LOXHD1: variants seen among roughly 807,000 people sequenced by gnomAD.
LOXHD1 encodes lipoxygenase homology domain-containing protein 1.
A neutral mutation model predicts 248.2 loss-of-function variants in LOXHD1; 205 were observed. The observed-to-expected ratio is 0.83, with a 90% confidence interval of 0.74 to 0.93. The LOEUF (loss-of-function observed/expected upper bound fraction) is 0.93. Among genes scored for constraint, LOXHD1 ranks in the 40% least tolerant of loss-of-function variants. The pLI is 0.00. For synonymous variants in LOXHD1, 1,113 were observed against 1,162.8 expected (o/e 0.96, Z 0.87); for missense variants, 2,930 against 2,971.6 (o/e 0.99, Z 0.33).
At chr18:46,650,523 T>C (rs1257933644) in intron 1 of LOXHD1, among the ~76,000 whole-genome samples, 1 of 152,218 alleles carries the variant, frequency 6.6e-6, no homozygotes, top group African/African-American at 2.4e-5. Flanking sequence ...ACGGTAAACC[T>C]ATAGTTATTT....
intron 6 of LOXHD1, among the ~76,000 whole-genome samples, chr18:46,608,523 T>G (rs944445497): frequency 3.3e-5 from 5 of 152,222 alleles, no homozygotes. Context: ...ATGAAGAAAG[T>G]GGACTTCAAG....
At chr18:46,497,990 G>C (rs186808630) in intron 37 of LOXHD1, among the ~76,000 whole-genome samples, 1 of 152,240 alleles carries the variant, frequency 6.6e-6, no homozygotes, top group Non-Finnish European at 1.5e-5. Flanking sequence ...CAATTGCAGA[G>C]TGGGATCACA....
intron 21 of LOXHD1, among the ~76,000 whole-genome samples, chr18:46,552,218 A>T (rs962452536): frequency 3.3e-5 from 5 of 150,808 alleles, no homozygotes; most frequent in African/African-American, 1.2e-4. Flanking sequence ...TTCTTACACA[A>T]TTTTTTTTTT....
At chr18:46,576,053 G>A (rs747897513) in intron 14 of LOXHD1, among the ~76,000 whole-genome samples, 35 of 152,194 alleles carry the variant, frequency 2.3e-4, no homozygotes, top group Admixed American at 1.0e-3. Context: ...TTCTAGCCCC[G>A]GCTCCAGCCC....
intron 40 of LOXHD1, 27 bp downstream of exon 40, chr18:46,483,560 T>A: frequency 1.3e-6 from 2 of 1,551,484 alleles, no homozygotes; most frequent in Non-Finnish European, 1.7e-6. Context: ...GGAGTGGCAC[T>A]TCCTTGGGGA....
intron 28 of LOXHD1, among the ~76,000 whole-genome samples, chr18:46,530,863 G>A (rs374656495): frequency 6.6e-6 from 1 of 152,000 alleles, no homozygotes; most frequent in African/African-American, 2.4e-5. Flanking sequence ...TGCCTTGGAT[G>A]CCAAGGCCTC....
Position 46,547,049 on chromosome 18 carries a change from A to G in LOXHD1, c.3360T>C (p.Phe1120=). 1 of 1,551,718 alleles carries G rather than the reference A, an allele frequency of 6.4e-7. No individual in the cohort carries two copies. The highest frequency in any genetic ancestry group is 1.2e-5 in the South Asian group (1 of 84,054). ...CCACTGCCAGCCAACGTTGGCATGG[A>G]AAGTAGTACCTGTGGGGGTGGATAG... ...TDMNNEITYY[F]PCQRWLAVEE... The change falls in exon 22 of 41, where the codon TTT becomes TTC. Residue 1120 remains phenylalanine (F), a synonymous_variant. Transcript: ENST00000642948.
intron 37 of LOXHD1, among the ~76,000 whole-genome samples, chr18:46,492,323 T>C (rs1392119529): frequency 1.3e-5 from 2 of 152,176 alleles, no homozygotes; most frequent in African/African-American, 2.4e-5. Flanking sequence ...CTGGGTAATT[T>C]ATAAAGAAAA....
chr18:46,610,551 A>G (rs1475528854), intron 6 of LOXHD1, among the ~76,000 whole-genome samples: 1 of 152,110 alleles, frequency 6.6e-6, no homozygotes, highest in African/African-American at 2.4e-5. Context: ...AGAGAGAGAG[A>G]GAGAGGAAAA....
In LOXHD1 at chr18:46,566,135, G is replaced by C. The variant is rs1056746209; in HGVS notation, c.2437+122C>G. On this transcript the variant is annotated intron_variant, in intron 17 of 40. Coordinates refer to ENST00000642948, the MANE Select transcript of LOXHD1 (RefSeq NM_001384474.1). ...CAGTGAAAGCCCCCATTTTCTCCCT[G>C]CAGGACCCTACCAGCAGCACTTGTC... 1.3e-5 allele frequency: 14 copies of C among 1,110,362 alleles called. No homozygotes were observed. In the East Asian group the frequency reaches 1.6e-4, roughly 12 times the overall value. 68.8% of individuals were successfully genotyped at this position (1,110,362 alleles called of 1,614,324 possible). A position where few individuals can be genotyped will look rare whatever the true frequency, so the allele number is the denominator to read the frequency against.
intron 28 of LOXHD1, among the ~76,000 whole-genome samples, chr18:46,532,835 G>C (rs1358503228): frequency 9.2e-5 from 14 of 152,188 alleles, no homozygotes; most frequent in Non-Finnish European, 8.8e-5. Flanking sequence ...TGAATAGTAG[G>C]GAGAAAACAG....
Position 46,544,936 on chromosome 18 carries a change from A to C in LOXHD1, c.3619+381T>G, listed in dbSNP as rs182538477. ...AATGGCTGGACAGTGGCGTGAGCAG[A>C]TGGCTGGACCCAACACTAAACACCA... On this transcript the variant is annotated intron_variant, in intron 23 of 40. Transcript: ENST00000642948. 1.5e-3 allele frequency: 719 copies of C among 477,506 alleles called. 7 individuals are homozygous for C. The highest frequency in any genetic ancestry group is 0.012 in the African/African-American group (621 of 50,458). 29.6% of individuals were successfully genotyped at this position (477,506 alleles called of 1,614,324 possible).
chr18:46,605,442 AG>A (rs2038399321), intron 6 of LOXHD1, among the ~76,000 whole-genome samples: 2 of 144,746 alleles, frequency 1.4e-5, no homozygotes, highest in South Asian at 4.4e-4. Context: ...TGAACCCAGG[AG>A]GTAGAGCTTG....
At chr18:46,585,563 A>G (rs1206095960) in intron 12 of LOXHD1, among the ~76,000 whole-genome samples, 1 of 152,154 alleles carries the variant, frequency 6.6e-6, no homozygotes, top group Non-Finnish European at 1.5e-5. Context: ...ATGGAAAAAC[A>G]TCTCATGTTC....
intron 34 of LOXHD1, among the ~76,000 whole-genome samples, chr18:46,510,413 TG>T (rs2143968093): frequency 6.6e-6 from 1 of 152,352 alleles, no homozygotes; most frequent in South Asian, 2.1e-4. Flanking sequence ...AAGGTAATGC[TG>T]CTTTTGTTGC....
At chr18:46,486,122 T>C (rs911649534) in intron 38 of LOXHD1, among the ~76,000 whole-genome samples, 4 of 152,182 alleles carry the variant, frequency 2.6e-5, no homozygotes, top group African/African-American at 9.6e-5. Flanking sequence ...GAGTGTGACA[T>C]GTGATCCAGG....
rs748143136 is a variant in LOXHD1 at position 46,545,299 on chromosome 18, C to T, written c.3619+18G>A. 4 of 1,525,186 alleles carry T rather than the reference C, an allele frequency of 2.6e-6. No individual in the cohort carries two copies. The highest frequency in any genetic ancestry group is 2.4e-5 in the South Asian group (2 of 83,516). 94.5% of individuals were successfully genotyped at this position (1,525,186 alleles called of 1,614,324 possible). A position where few individuals can be genotyped will look rare whatever the true frequency, so the allele number is the denominator to read the frequency against. On this transcript the variant is annotated intron_variant, in intron 23 of 40. Transcript: ENST00000642948. ...GGGAAGAATGTGGGTGAATCTTGGCCCTGCACTGCTTTCTTACCAGTGTCA... is the reference window on the plus strand; with the variant it reads ...GGGAAGAATGTGGGTGAATCTTGGCTCTGCACTGCTTTCTTACCAGTGTCA...
At chr18:46,588,520 C>T (rs892111761) in intron 12 of LOXHD1, among the ~76,000 whole-genome samples, 2 of 152,192 alleles carry the variant, frequency 1.3e-5, no homozygotes, top group African/African-American at 4.8e-5. Context: ...AGATGCTCTT[C>T]CTTGCCATCT....
At chr18:46,489,179 G>A in intron 37 of LOXHD1, 37 bp from the exon 38 acceptor site, 6 of 1,548,572 alleles carry the variant, frequency 3.9e-6, no homozygotes, top group Non-Finnish European at 5.2e-6. Context: ...GAAGCTGGAT[G>A]TGCCTTCCCT....
Sources: allele counts gnomAD v4.1 joint callset (sites outside exome capture counted in the v4.1 genomes callset), GRCh38; gene constraint gnomAD v4.1.1; transcripts MANE v1.5; gene names NCBI Gene and HGNC (gene_info 2026-07-23, HGNC 2026-07-21).